The following GPR83 variants were observed in gnomAD, a reference collection of about 807,000 sequenced individuals.
GPR83 encodes G protein-coupled receptor 83.
GPR83 carries 23 observed loss-of-function variants against 28.0 expected under a neutral mutation model. The observed-to-expected ratio is 0.82, with a 90% CI of 0.59 to 1.16. The LOEUF (loss-of-function observed/expected upper bound fraction) is 1.16, where lower values mean the gene tolerates loss of function less well. Ranked by LOEUF, GPR83 falls within the 50% of genes most tolerant of loss-of-function variation. The pLI, the probability that GPR83 is intolerant of heterozygous loss-of-function variation, is 0.00. For missense variants in GPR83, 610 were observed against 536.6 expected (o/e 1.14, Z -1.35); for synonymous variants, 234 against 215.4 (o/e 1.09, Z -0.76).
intron 1 of GPR83, among the ~76,000 whole-genome samples, chr11:94,399,648 C>T (rs990546224): frequency 6.6e-6 from 1 of 152,140 alleles, no homozygotes; most frequent in African/African-American, 2.4e-5. Flanking sequence ...GGGGTTCATC[C>T]TGTGTTTTTT....
chr11:94,385,670 C>T (rs12271771), intron 3 of GPR83, among the ~76,000 whole-genome samples: 2 of 152,130 alleles, frequency 1.3e-5, no homozygotes, highest in Admixed American at 6.5e-5. Flanking sequence ...AAGAAATGAA[C>T]AAAGCCTCCA....
chr11:94,392,871 T>C (rs1374709324), intron 3 of GPR83, among the ~76,000 whole-genome samples: 3 of 151,524 alleles, frequency 2.0e-5, no homozygotes, highest in Admixed American at 6.6e-5. Flanking sequence ...TCAGTAAATA[T>C]GTACCAAGAG....
chr11:94,392,166 C>T (rs981672050), intron 3 of GPR83, among the ~76,000 whole-genome samples: 4 of 152,106 alleles, frequency 2.6e-5, no homozygotes, highest in African/African-American at 4.8e-5. Context: ...AGTTCATGTC[C>T]TTTGCGGGGA....
chr11:94,380,607 T>C lies in GPR83; in HGVS notation c.814A>G (p.Ile272Val). ...TACTGCTCTGTGGTCACATCGCCAA[T>C]CATATTACACAGCCACAGTTTCTTG... ...VAKKLWLCNM[I>V]GDVTTEQYFA... The change falls in exon 4 of 4, where the codon ATT becomes GTT. Residue 272 changes from isoleucine to valine, a missense_variant. By Grantham distance (29) the Ile-to-Val change is conservative. Transcript: ENST00000243673. The C allele has an allele frequency of 1.2e-6, 2 of 1,614,084 alleles. No homozygotes were observed. The highest frequency in any genetic ancestry group is 1.7e-6 in the Non-Finnish European group (2 of 1,180,014).
chr11:94,387,035 G>C (rs1028575873), intron 3 of GPR83, among the ~76,000 whole-genome samples: 1 of 152,062 alleles, frequency 6.6e-6, no homozygotes, highest in African/African-American at 2.4e-5. Context: ...ACTCAAAACC[G>C]CTCAACTACA....
At chr11:94,399,201 G>A (rs1235729175) in intron 1 of GPR83, among the ~76,000 whole-genome samples, 1 of 152,194 alleles carries the variant, frequency 6.6e-6, no homozygotes, top group Non-Finnish European at 1.5e-5. Context: ...GCGCCAACGG[G>A]TGACAGGGAT....
chr11:94,381,382 G>C (rs1012634174), intron 3 of GPR83, among the ~76,000 whole-genome samples: 3 of 151,910 alleles, frequency 2.0e-5, no homozygotes, highest in Non-Finnish European at 2.9e-5. Context: ...CTTTTTTTAG[G>C]GGGGAAAAAA....
Position 94,399,965 on chromosome 11 carries a change from T to A in GPR83, c.387+896A>T, listed in dbSNP as rs541771192. ...GTGCAAATGCCCCCAGCCTGCCCGA[T>A]TTCTGGGGCCCAAGCCCACCTCCCC... is the stretch of plus-strand genomic sequence containing the variant. On this transcript the variant is annotated intron_variant, in intron 1 of 3. Transcript: ENST00000243673. 1.8e-4 allele frequency among the ~76,000 whole-genome samples: 27 copies of A among 152,252 alleles called. No homozygotes were observed. The South Asian group carries it at 5.6e-3, about 32-fold the overall frequency.
In GPR83 at chr11:94,385,114, C is replaced by A. The variant is rs563510588; in HGVS notation, c.648-4341G>T. On this transcript the variant is annotated intron_variant, in intron 3 of 3. Transcript: ENST00000243673. ...GTCTGAAGTGGACCTCCGGCAAACT[C>A]CAACAGACCTGAAGCTGAGGGTCCC... 7.2e-5 allele frequency among the ~76,000 whole-genome samples: 11 copies of A among 152,296 alleles called. No individual in the cohort carries two copies. The East Asian group carries it at 2.1e-3, about 29-fold the overall frequency.
chr11:94,390,450 G>A (rs771912893), intron 3 of GPR83, among the ~76,000 whole-genome samples: 10 of 152,046 alleles, frequency 6.6e-5, no homozygotes, highest in East Asian at 1.9e-4. Context: ...CCTATTCAAC[G>A]TAGTATTGGA....
chr11:94,386,855 C>G (rs1446681041), intron 3 of GPR83, among the ~76,000 whole-genome samples: 1 of 152,164 alleles, frequency 6.6e-6, no homozygotes, highest in African/African-American at 2.4e-5. Context: ...ACTCTCCACC[C>G]CAAATCAACA....
rs192174362 is a variant in GPR83, at chr11:94,389,021, G to T, written c.647+4464C>A. 3.5e-3 allele frequency among the ~76,000 whole-genome samples: 538 copies of T among 151,908 alleles called. 6 individuals carry two copies. The highest frequency in any genetic ancestry group is 0.012 in the African/African-American group (514 of 41,428). ...ACAGAGCCCTCAGAAATAATGCCAC[G>T]TATCTACAACTATCTGGTCCTTGAC... On this transcript the variant is annotated intron_variant, in intron 3 of 3. Transcript: ENST00000243673.
rs1944668456 is a variant in GPR83 at position 94,380,004 on chromosome 11, C to T, written c.*145G>A. On this transcript the variant is annotated 3_prime_UTR_variant, in exon 4 of 4. Transcript: ENST00000243673. The stretch of plus-strand genomic sequence containing the variant: ...TTTCACATCACATGGGGCTAGGAGG[C>T]TGGACAGTTTCCTAGGAATTCAAGA... 5.2e-6 allele frequency: 3 copies of T among 577,808 alleles called. No homozygotes were observed. The highest frequency in any genetic ancestry group is 8.5e-6 in the Non-Finnish European group (3 of 353,964). The allele number at this position is 577,808 out of a possible 1,614,324, so 35.8% of individuals were successfully genotyped here.
At chr11:94,400,546 C>CAAAAAAAA (rs34496676) in intron 1 of GPR83, among the ~76,000 whole-genome samples, 1 of 117,222 alleles carries the variant, frequency 8.5e-6, no homozygotes, top group Admixed American at 8.9e-5. Flanking sequence ...GGCTGAAAGA[C>CAAAAAAAA]AAAAAAAAAA....
At chr11:94,394,592 C>T (rs1488706717) in intron 2 of GPR83, among the ~76,000 whole-genome samples, 7 of 152,122 alleles carry the variant, frequency 4.6e-5, no homozygotes, top group African/African-American at 1.4e-4. Context: ...TAGATGCCAT[C>T]CCAGAACACA....
chr11:94,400,894 T>C lies in GPR83; in HGVS notation c.354A>G (p.Ile118Met). ...AGGGGGTGTTGAGCAGCGTGATCAT[T>C]ATGTCGGCAACTGCCAGGTTGACGA... ...LFIVNLAVAD[I>M]MITLLNTPFT... Residue 118 changes from isoleucine (I) to methionine (M), a missense_variant, in exon 1 of 4, where the codon ATA becomes ATG. Transcript: ENST00000243673. 5 of 1,614,078 alleles carry C rather than the reference T, an allele frequency of 3.1e-6. No homozygotes were observed. The highest frequency in any genetic ancestry group is 4.2e-6 in the Non-Finnish European group (5 of 1,179,998).
At chr11:94,393,357 G>C (rs1944836007) in intron 3 of GPR83, 128 bp downstream of exon 3, 2 of 770,776 alleles carry the variant, frequency 2.6e-6, no homozygotes, top group South Asian at 1.8e-5. Context: ...GCCAGAGAAA[G>C]ACTCAGTAAG....
In GPR83 at chr11:94,393,605, G is replaced by T. The variant is rs760416828; in HGVS notation, c.527C>A (p.Pro176His). The stretch of plus-strand genomic sequence containing the variant: ...TGTGATTGAGATCCGGGGTTTCAAG[G>T]GGTGCATGATGACCTGGAAAACAAG... ...AVDRHQVIMH[P>H]LKPRISITKG... Residue 176 changes from proline to histidine, a missense_variant, in exon 3 of 4, where the codon CCC becomes CAC. Coordinates refer to ENST00000243673, the MANE Select transcript of GPR83 (RefSeq NM_016540.4). 1.9e-6 allele frequency: 3 copies of T among 1,613,970 alleles called. No homozygotes were observed. Among genetic ancestry groups the T allele is most frequent in the South Asian group, 1.1e-5 (1 of 91,050 alleles).
Position 94,398,332 on chromosome 11 carries a change from G to A in GPR83, c.388-1808C>T, listed in dbSNP as rs150164311. ...CCCGCCTTTCCTTCTGGCCACCTCCGCTTCTCCCTCCCCTGCCCACTCCTC... is the reference window on the plus strand; with the variant it reads ...CCCGCCTTTCCTTCTGGCCACCTCCACTTCTCCCTCCCCTGCCCACTCCTC... On this transcript the variant is annotated intron_variant, in intron 1 of 3. Transcript: ENST00000243673. 3.1e-3 allele frequency among the ~76,000 whole-genome samples: 470 copies of A among 152,088 alleles called. 1 individual carries two copies. The highest frequency in any genetic ancestry group is 5.5e-3 in the Non-Finnish European group (376 of 67,982).
Sources: allele counts gnomAD v4.1 joint callset (sites outside exome capture counted in the v4.1 genomes callset), GRCh38; gene constraint gnomAD v4.1.1; transcripts MANE v1.5; gene names NCBI Gene and HGNC (gene_info 2026-07-23, HGNC 2026-07-21).